Variants in SYT16 observed in about 807,000 individuals in gnomAD.
The protein encoded by SYT16 is synaptotagmin 16, also known as synaptotagmin-16.
Under a neutral mutation model 61.4 loss-of-function variants are expected in SYT16, and 42 were observed. That is an observed-to-expected ratio of 0.68 (90% CI 0.53 to 0.89). SYT16 has a LOEUF of 0.89. Among genes scored for constraint, SYT16 ranks in the 40% least tolerant of loss-of-function variants. The pLI, the probability that SYT16 is intolerant of heterozygous loss-of-function variation, is 0.00. For missense variants in SYT16, 804 were observed against 807.3 expected, an observed-to-expected ratio of 1.00 and a Z score of 0.05; for synonymous variants, 314 against 302.3, an observed-to-expected ratio of 1.04 and a Z score of -0.40.
rs80327794 is a variant in SYT16, at chr14:62,039,028, G to A, written c.524-30575G>A. ...AGAAATGGAAGGTCAGAGAAGTAAA[G>A]TGACAAATGGCAAGTCACACAGCTA... is the stretch of plus-strand genomic sequence containing the variant. On this transcript the variant is annotated intron_variant, in intron 3 of 7. Coordinates refer to ENST00000683842, the MANE Select transcript of SYT16 (RefSeq NM_001367656.1). 4.8e-3 allele frequency among the ~76,000 whole-genome samples: 733 copies of A among 152,330 alleles called. 8 individuals carry two copies. Among genetic ancestry groups the A allele is most frequent in the African/African-American group, 0.017 (697 of 41,578 alleles).
intron 1 of SYT16, among the ~76,000 whole-genome samples, chr14:61,895,273 G>T (rs572286913): frequency 6.6e-6 from 1 of 152,182 alleles, no homozygotes; most frequent in South Asian, 2.1e-4. Context: ...AAAAATCAAA[G>T]TTCTTCCTCT....
At chr14:61,976,870 TG>T (rs1213483323) in intron 2 of SYT16, among the ~76,000 whole-genome samples, 2 of 151,756 alleles carry the variant, frequency 1.3e-5, no homozygotes, top group Non-Finnish European at 2.9e-5. Flanking sequence ...GCCCAGAAAA[TG>T]TTTTTTTTTT....
intron 1 of SYT16, among the ~76,000 whole-genome samples, chr14:61,964,755 A>C (rs1421185955): frequency 1.3e-5 from 2 of 152,118 alleles, no homozygotes; most frequent in Non-Finnish European, 2.9e-5. Flanking sequence ...TTGATGAGGC[A>C]AACTTCATTG....
chr14:61,832,172 C>T, intron 1 of SYT16: 1 of 680,914 alleles, frequency 1.5e-6, no homozygotes, highest in South Asian at 1.4e-5. Context: ...AGGAGGCCTT[C>T]TCCTTCTTCT....
rs1322088413 is a variant in SYT16 at position 61,917,241 on chromosome 14, T to C, written c.-324-52891T>C. Among the ~76,000 whole-genome samples, 4 of 152,286 alleles carry C rather than the reference T, an allele frequency of 2.6e-5. No homozygotes were observed. The East Asian group carries it at 7.7e-4, about 29-fold the overall frequency. Reference sequence around the variant, plus strand: ...AGAGTCCCATCCTTGCATGGATGTCTATTGCCTTGTTTACACAGCATCTAT... The same window carrying C: ...AGAGTCCCATCCTTGCATGGATGTCCATTGCCTTGTTTACACAGCATCTAT... On this transcript the variant is annotated intron_variant, in intron 1 of 7. Coordinates refer to ENST00000683842, the MANE Select transcript of SYT16 (RefSeq NM_001367656.1).
At chr14:61,943,398 C>G (rs923198631) in intron 1 of SYT16, among the ~76,000 whole-genome samples, 2 of 152,186 alleles carry the variant, frequency 1.3e-5, no homozygotes, top group Non-Finnish European at 2.9e-5. Flanking sequence ...CAGCATCATC[C>G]TGATATCAAA....
chr14:61,876,660 C>T (rs915831390), intron 1 of SYT16, among the ~76,000 whole-genome samples: 8 of 152,138 alleles, frequency 5.3e-5, no homozygotes, highest in Non-Finnish European at 1.2e-4. Context: ...AGACAGATGG[C>T]GTTCTAGATT....
chr14:61,993,777 A>T (rs1243406916), intron 2 of SYT16, among the ~76,000 whole-genome samples: 1 of 152,206 alleles, frequency 6.6e-6, no homozygotes, highest in Non-Finnish European at 1.5e-5. Context: ...ACAGTTCTGG[A>T]TAGAATTTAT....
intron 3 of SYT16, among the ~76,000 whole-genome samples, chr14:62,020,256 T>C (rs1161251011): frequency 6.6e-6 from 1 of 152,166 alleles, no homozygotes; most frequent in Non-Finnish European, 1.5e-5. Flanking sequence ...TCTTAAAGAA[T>C]TTTTTCACCT....
Position 62,100,468 on chromosome 14 carries a change from G to A in SYT16, c.1699G>A (p.Gly567Ser). 6.2e-7 allele frequency: 1 copy of A among 1,613,440 alleles called. No individual in the cohort carries two copies. The change falls in exon 8 of 8, where the codon GGT becomes AGT. Residue 567 changes from glycine (G) to serine (S), a missense_variant. Physicochemically the swap from Gly to Ser is moderately conservative, Grantham distance 56 (BLOSUM62 0). Coordinates refer to ENST00000683842, the MANE Select transcript of SYT16 (RefSeq NM_001367656.1). The stretch of plus-strand genomic sequence containing the variant: ...CCGTTGCAAGACGTCCATTCGGCGT[G>A]GTCAGCCCAATCCTGTCTATAAGGA... Reference protein sequence around the residue: ...MSRCKTSIRRGQPNPVYKETF... With the variant: ...MSRCKTSIRRSQPNPVYKETF...
chr14:62,038,165 G>C (rs896045499), intron 3 of SYT16, among the ~76,000 whole-genome samples: 1 of 151,748 alleles, frequency 6.6e-6, no homozygotes, highest in African/African-American at 2.4e-5. Context: ...AGTTTCGCTT[G>C]CAGGCATCTC....
intron 3 of SYT16, among the ~76,000 whole-genome samples, chr14:62,011,904 CAT>C (rs368080979): frequency 4.4e-5 from 4 of 90,174 alleles, no homozygotes; most frequent in East Asian, 3.3e-4. Flanking sequence ...CACACACACA[CAT>C]ATATATACAC....
rs764860610 is a variant in SYT16, at chr14:62,081,185, A to G, written c.1345A>G (p.Met449Val). The change falls in exon 6 of 8, where the codon ATG becomes GTG. Residue 449 changes from methionine (M) to valine (V), a missense_variant. By Grantham distance (21) the Met-to-Val change is conservative. Coordinates refer to ENST00000683842, the MANE Select transcript of SYT16 (RefSeq NM_001367656.1). ...AARKMTRERM[M>V]GEKLFYLSHL... is the part of the protein sequence containing the mutation. ...CCGGAAGATGACCCGAGAGAGAATG[A>G]TGGGAGAGAAACTATTCTATCTCAG... 5.6e-6 allele frequency: 9 copies of G among 1,613,954 alleles called. 1 individual carries two copies. In the South Asian group the frequency reaches 9.9e-5, roughly 18 times the overall value.
intron 2 of SYT16, among the ~76,000 whole-genome samples, chr14:61,979,200 G>A (rs574716186): frequency 8.3e-4 from 126 of 152,236 alleles, no homozygotes; most frequent in African/African-American, 2.9e-3. Flanking sequence ...TGTAGGAGTG[G>A]TCTTATTATT....
chr14:62,089,346 A>G (rs1399917289), intron 7 of SYT16, among the ~76,000 whole-genome samples: 2 of 151,310 alleles, frequency 1.3e-5, no homozygotes, highest in Non-Finnish European at 2.9e-5. Flanking sequence ...GGTACTGAAC[A>G]TCTGAACCTG....
intron 3 of SYT16, among the ~76,000 whole-genome samples, chr14:62,013,153 A>G (rs1004242611): frequency 7.9e-5 from 12 of 152,176 alleles, no homozygotes; most frequent in African/African-American, 2.9e-4. Context: ...GTATATCCAG[A>G]GTGGTGGTAG....
At chr14:61,907,470 T>C (rs2048766556) in intron 1 of SYT16, among the ~76,000 whole-genome samples, 1 of 152,240 alleles carries the variant, frequency 6.6e-6, no homozygotes, top group Non-Finnish European at 1.5e-5. Flanking sequence ...GTGACTTGGC[T>C]GTGTGATTCT....
At chr14:61,879,475 A>G (rs2047616688) in intron 1 of SYT16, among the ~76,000 whole-genome samples, 1 of 152,154 alleles carries the variant, frequency 6.6e-6, no homozygotes, top group African/African-American at 2.4e-5. Context: ...AAGCTCTAAC[A>G]TTGCATGATC....
chr14:61,858,111 A>G (rs2046832605), intron 1 of SYT16, among the ~76,000 whole-genome samples: 1 of 141,162 alleles, frequency 7.1e-6, no homozygotes, highest in East Asian at 2.0e-4. Flanking sequence ...AAGGAAAGGC[A>G]CAGCTTGGCA....
Sources: gnomAD v4.1 joint callset for allele counts (sites outside exome capture counted in the v4.1 genomes callset) on GRCh38, gnomAD v4.1.1 for gene constraint, MANE v1.5 for transcripts, NCBI Gene and HGNC (gene_info 2026-07-23, HGNC 2026-07-21) for gene names.